DYNC2I2: variants seen among roughly 807,000 people sequenced by gnomAD.
The protein encoded by DYNC2I2 is dynein 2 intermediate chain 2, also known as cytoplasmic dynein 2 intermediate chain 2.
A neutral mutation model predicts 52.0 loss-of-function variants in DYNC2I2; 39 were observed. That is an observed-to-expected ratio of 0.75 (90% confidence interval 0.58 to 0.98). The LOEUF (loss-of-function observed/expected upper bound fraction) is 0.98. Among genes scored for constraint, DYNC2I2 ranks in the 50% least tolerant of loss-of-function variants. The pLI is 0.00. For missense variants in DYNC2I2, 743 were observed against 728.4 expected, an observed-to-expected ratio of 1.02 and a Z score of -0.23; for synonymous variants, 359 against 321.1, an observed-to-expected ratio of 1.12 and a Z score of -1.26.
rs1269390021 is a variant in DYNC2I2 at position 128,634,379 on chromosome 9, G to C, written c.1219C>G (p.Leu407Val). The change falls in exon 8 of 9, where the codon CTC (leucine) becomes GTC (valine). Residue 407 changes from leucine (L) to valine (V), a missense_variant. Physicochemically the swap from Leu to Val is conservative, Grantham distance 32 (BLOSUM62 1). Coordinates refer to ENST00000372715, the MANE Select transcript of DYNC2I2 (RefSeq NM_052844.4). ...SVSCSPFHRN[L>V]FLSAGTDGHV... ...CCGTCAGTCCCAGCGCTCAGGAAGA[G>C]ATTCCTAGACGGGATGCAGGGGGCC... 4 of 1,586,462 alleles carry C rather than the reference G, an allele frequency of 2.5e-6. No homozygotes were observed. Among genetic ancestry groups the C allele is most frequent in the Non-Finnish European group, 2.6e-6 (3 of 1,167,590 alleles).
At chr9:128,683,525 C>T in the DYNC2I2 span, 1 of 252,470 alleles carries the variant, frequency 4.0e-6, no homozygotes, top group Middle Eastern at 1.2e-3. Context: ...TAGGGGCAGG[C>T]CTGTCTACCT....
the DYNC2I2 span, among the ~76,000 whole-genome samples, chr9:128,662,492 A>G: frequency 6.6e-5 from 10 of 151,744 alleles, no homozygotes; most frequent in African/African-American, 2.4e-4. Context: ...GCTCACTGCA[A>G]CCTACTTCCT....
chr9:128,674,296 G>A, the DYNC2I2 span, among the ~76,000 whole-genome samples: 15 of 151,912 alleles, frequency 9.9e-5, no homozygotes, highest in East Asian at 3.9e-4. Flanking sequence ...CACCACACCC[G>A]GCTAATTTTT....
chr9:128,667,110 A>G, the DYNC2I2 span, among the ~76,000 whole-genome samples: 1 of 151,474 alleles, frequency 6.6e-6, no homozygotes, highest in African/African-American at 2.4e-5. Flanking sequence ...GAGGCAGGAG[A>G]ATCGCTTGAA....
intron 1 of DYNC2I2, chr9:128,651,253 C>G (rs998771109): frequency 3.4e-5 from 2 of 58,770 alleles, no homozygotes; most frequent in African/African-American, 6.9e-5. Flanking sequence ...CCAGAAGGGC[C>G]GGGGGTAGTA....
At chr9:128,654,375 G>A (rs1242076681) in intron 1 of DYNC2I2, among the ~76,000 whole-genome samples, 3 of 152,120 alleles carry the variant, frequency 2.0e-5, no homozygotes, top group Non-Finnish European at 4.4e-5. Context: ...AGCACCCAAT[G>A]CTGCTCATTT....
At position 128,637,142 on chromosome 9, in the gene DYNC2I2, C is replaced by T. The variant is rs902369700; in HGVS notation, c.436-115G>A. On this transcript the variant is annotated intron_variant, in intron 2 of 8. Transcript: ENST00000372715. ...TAGCCCTAGAGGCCCTCAAGTCCAT[C>T]AGCCAGGCCTAGAGGAAAATGTGGC... The T allele has an allele frequency of 1.9e-5, 13 of 672,960 alleles. No homozygotes were observed. The African/African-American group carries it at 2.3e-4, about 12-fold the overall frequency. 41.7% of individuals were successfully genotyped at this position (672,960 alleles called of 1,614,324 possible).
At chr9:128,642,286 CA>C (rs34133160) in intron 1 of DYNC2I2, among the ~76,000 whole-genome samples, 20 of 88,926 alleles carry the variant, frequency 2.2e-4, no homozygotes, top group East Asian at 1.3e-3. Flanking sequence ...GACTCCGTCT[CA>C]AAAAAAAAAA....
At chr9:128,669,239 C>G in the DYNC2I2 span, among the ~76,000 whole-genome samples, 18 of 152,038 alleles carry the variant, frequency 1.2e-4, no homozygotes, top group African/African-American at 4.1e-4. Context: ...GTGGCATGCG[C>G]CTGTAGTCCC....
upstream of DYNC2I2, among the ~76,000 whole-genome samples, chr9:128,657,234 T>A (rs1369253890): frequency 6.6e-6 from 1 of 152,186 alleles, no homozygotes; most frequent in Non-Finnish European, 1.5e-5. Flanking sequence ...AAAATATTCC[T>A]ACGGAGATCC....
At chr9:128,641,731 G>C (rs181518995) in intron 1 of DYNC2I2, among the ~76,000 whole-genome samples, 2 of 152,174 alleles carry the variant, frequency 1.3e-5, no homozygotes, top group East Asian at 3.9e-4. Context: ...CATCTCATGC[G>C]GGATTCGAGC....
the DYNC2I2 span, among the ~76,000 whole-genome samples, chr9:128,676,398 G>T: frequency 6.6e-6 from 1 of 152,020 alleles, no homozygotes. Context: ...GCTGAGGCAG[G>T]AGAATCACTT....
chr9:128,635,259 C>T lies in DYNC2I2; in HGVS notation c.814G>A (p.Val272Met). Reference sequence around the variant, plus strand: ...TGCCCAGGCTCGGGCAGCCACACCACCTGAGTTAACAGCATGCAGGGCCAG... The same window carrying T: ...TGCCCAGGCTCGGGCAGCCACACCATCTGAGTTAACAGCATGCAGGGCCAG... The part of the protein sequence containing the change: ...DDTHTDPVSQ[V>M]VWLPEPGHSH... Residue 272 changes from valine (V) to methionine (M), a missense_variant and splice_region_variant, in exon 6 of 9, where the codon GTG becomes ATG. Transcript: ENST00000372715. The T allele has an allele frequency of 2.5e-6, 4 of 1,612,580 alleles. No homozygotes were observed. The highest frequency in any genetic ancestry group is 1.1e-5 in the South Asian group (1 of 91,042).
rs1449047694 is a variant in DYNC2I2 at position 128,656,604 on chromosome 9, C to G, written c.123G>C (p.Glu41Asp). The G allele has an allele frequency of 2.0e-6, 3 of 1,493,700 alleles. No individual in the cohort carries two copies. The highest frequency in any genetic ancestry group is 2.7e-6 in the Non-Finnish European group (3 of 1,129,570). The allele number at this position is 1,493,700 out of a possible 1,614,324, so 92.5% of individuals were successfully genotyped here. A position where few individuals can be genotyped will look rare whatever the true frequency, so the allele number is the denominator to read the frequency against. Residue 41 changes from glutamate (E) to aspartate (D), a missense_variant, in exon 1 of 9, where the codon GAG becomes GAC. Transcript: ENST00000372715. Reference protein sequence around the residue: ...GPGRPGPLQDETLGVASVPSQ... With the variant: ...GPGRPGPLQDDTLGVASVPSQ... ...AGGGCACGGACGCCACACCCAGGGTCTCGTCCTGCAGCGGCCCTGGCCGCC... is the reference window on the plus strand; with the variant it reads ...AGGGCACGGACGCCACACCCAGGGTGTCGTCCTGCAGCGGCCCTGGCCGCC...
chr9:128,645,156 G>A (rs1422995800), intron 1 of DYNC2I2, among the ~76,000 whole-genome samples: 2 of 149,382 alleles, frequency 1.3e-5, no homozygotes, highest in Non-Finnish European at 3.0e-5. Flanking sequence ...TTCAAGACCA[G>A]CCTGACCAAT....
At chr9:128,664,882 G>A in the DYNC2I2 span, among the ~76,000 whole-genome samples, 1 of 151,722 alleles carries the variant, frequency 6.6e-6, no homozygotes, top group Non-Finnish European at 1.5e-5. Context: ...CAGCACTTTG[G>A]AAGGCCTAAG....
At chr9:128,655,399 T>C (rs1471930190) in intron 1 of DYNC2I2, among the ~76,000 whole-genome samples, 2 of 113,830 alleles carry the variant, frequency 1.8e-5, no homozygotes, top group Non-Finnish European at 3.5e-5. Flanking sequence ...TAGTCCCAGC[T>C]ACTAGGGAGG....
Position 128,651,607 on chromosome 9 carries a change from G to A in DYNC2I2, c.186+4934C>T, listed in dbSNP as rs1279446869. ...CCTTGGAGAGCCACAACTGGAGGCC[G>A]AGGAGACATGAAATATGGCACACAG... is the stretch of plus-strand genomic sequence containing the variant. On this transcript the variant is annotated intron_variant, in intron 1 of 8. Coordinates refer to ENST00000372715, the MANE Select transcript of DYNC2I2 (RefSeq NM_052844.4). 3 of 56,426 alleles carry A rather than the reference G, an allele frequency of 5.3e-5. 1 individual carries two copies. The highest frequency in any genetic ancestry group is 1.1e-4 in the African/African-American group (3 of 28,148). The allele number at this position is 56,426 out of a possible 1,614,324, so 3.5% of individuals were successfully genotyped here. A position where few individuals can be genotyped will look rare whatever the true frequency, so the allele number is the denominator to read the frequency against.
upstream of DYNC2I2, among the ~76,000 whole-genome samples, chr9:128,658,721 A>ATT (rs746310535): frequency 0.03 from 2,706 of 91,290 alleles, 106 homozygotes; most frequent in Non-Finnish European, 0.033. Flanking sequence ...ACCTGACCTA[A>ATT]TTTTTTTTTT....
Sources: allele counts gnomAD v4.1 joint callset (sites outside exome capture counted in the v4.1 genomes callset), GRCh38; gene constraint gnomAD v4.1.1; transcripts MANE v1.5; gene names NCBI Gene and HGNC (gene_info 2026-07-23, HGNC 2026-07-21).